Variants in NAALADL2 observed in about 807,000 individuals in gnomAD.
NAALADL2 encodes the protein N-acetylated alpha-linked acidic dipeptidase like 2.
Under a neutral mutation model 87.2 loss-of-function variants are expected in NAALADL2, and 76 were observed. The ratio of observed to expected loss-of-function variants is 0.87; its 90% CI spans 0.72 to 1.05. The LOEUF (loss-of-function observed/expected upper bound fraction) is 1.05, where lower values mean the gene tolerates loss of function less well. Among genes scored for constraint, NAALADL2 ranks in the 50% least tolerant of loss-of-function variants. The probability of loss-of-function intolerance (pLI) is 0.00; values close to 1 mark genes in which losing one functional copy is unlikely to be tolerated. For missense variants in NAALADL2, 1,089 were observed against 945.8 expected, an observed-to-expected ratio of 1.15 and a Z score of -1.99; for synonymous variants, 354 against 331.0, an observed-to-expected ratio of 1.07 and a Z score of -0.75.
chr3:175,529,265 G>C (rs1456460071), intron 9 of NAALADL2, among the ~76,000 whole-genome samples: 2 of 152,158 alleles, frequency 1.3e-5, no homozygotes, highest in African/African-American at 2.4e-5. Flanking sequence ...TGACTTAAAG[G>C]TAAGAGGAGC....
At chr3:175,407,482 C>A (rs1420847743) in intron 5 of NAALADL2, among the ~76,000 whole-genome samples, 12 of 152,172 alleles carry the variant, frequency 7.9e-5, no homozygotes, top group Admixed American at 6.5e-4. Flanking sequence ...ACATTACAAA[C>A]CTCAATGTGT....
At chr3:175,644,585 C>G (rs1210750840) in intron 11 of NAALADL2, among the ~76,000 whole-genome samples, 2 of 152,028 alleles carry the variant, frequency 1.3e-5, no homozygotes, top group Non-Finnish European at 2.9e-5. Flanking sequence ...GCTGTTGATC[C>G]TATTCCTCAG....
At chr3:174,449,197 G>A (rs1277985984) in intron 1 of NAALADL2, among the ~76,000 whole-genome samples, 1 of 152,158 alleles carries the variant, frequency 6.6e-6, no homozygotes, top group Non-Finnish European at 1.5e-5. Context: ...ACTAATCTTT[G>A]TGTATGTGCT....
chr3:175,169,124 G>T (rs1734411335), intron 2 of NAALADL2, among the ~76,000 whole-genome samples: 1 of 151,582 alleles, frequency 6.6e-6, no homozygotes, highest in Non-Finnish European at 1.5e-5. Context: ...AGCTACTGAA[G>T]ATTTTTAGAA....
chr3:175,154,821 C>T lies in NAALADL2; in HGVS notation c.545+57530C>T, dbSNP rs373229309. Among the ~76,000 whole-genome samples, 198 of 152,228 alleles carry T rather than the reference C, an allele frequency of 1.3e-3. 6 individuals carry two copies. The South Asian group carries it at 0.04, about 31-fold the overall frequency. On this transcript the variant is annotated intron_variant, in intron 2 of 13. Coordinates refer to ENST00000454872, the MANE Select transcript of NAALADL2 (RefSeq NM_207015.3). ...GCAGAGGGAGCAAAATCTCAAATGT[C>T]TATTTACTTCTGATGAAAGCCACTG...
chr3:175,393,198 C>T lies in NAALADL2; in HGVS notation c.1091-54031C>T, dbSNP rs562837023. ...CTGAGGCAGGAGAATGGCGTGAACCCGGGAAGCGGAGCTTGCAGTGAGCCG... is the reference window on the plus strand; with the variant it reads ...CTGAGGCAGGAGAATGGCGTGAACCTGGGAAGCGGAGCTTGCAGTGAGCCG... On this transcript the variant is annotated intron_variant, in intron 5 of 13. Coordinates refer to ENST00000454872, the MANE Select transcript of NAALADL2 (RefSeq NM_207015.3). 3.8e-3 allele frequency among the ~76,000 whole-genome samples: 523 copies of T among 138,908 alleles called. 2 individuals are homozygous for T. The highest frequency in any genetic ancestry group is 5.8e-3 in the Non-Finnish European group (382 of 65,782). 91.1% of individuals were successfully genotyped at this position (138,908 alleles called of 152,430 possible).
At chr3:175,592,135 A>G (rs1934854352) in intron 10 of NAALADL2, among the ~76,000 whole-genome samples, 1 of 152,062 alleles carries the variant, frequency 6.6e-6, no homozygotes, top group Non-Finnish European at 1.5e-5. Context: ...CATAGAATTC[A>G]TTTATAAAAC....
chr3:175,774,100 G>A (rs958995682), intron 13 of NAALADL2, among the ~76,000 whole-genome samples: 5 of 152,000 alleles, frequency 3.3e-5, no homozygotes, highest in African/African-American at 1.2e-4. Context: ...TACAATTAAA[G>A]CTCTGTCAGT....
At chr3:174,786,889 T>C (rs963119490) in intron 3 of NAALADL2, among the ~76,000 whole-genome samples, 5 of 152,116 alleles carry the variant, frequency 3.3e-5, no homozygotes, top group African/African-American at 4.8e-5. Flanking sequence ...ATGAAATAAA[T>C]ATAGATATTC....
chr3:174,522,147 C>T (rs1315809102), intron 1 of NAALADL2, among the ~76,000 whole-genome samples: 1 of 152,082 alleles, frequency 6.6e-6, no homozygotes, highest in Non-Finnish European at 1.5e-5. Flanking sequence ...TAATACACGT[C>T]TCATAGAGTA....
intron 9 of NAALADL2, 95 bp from the exon 10 acceptor site, chr3:175,575,946 T>A: frequency 1.0e-6 from 1 of 999,796 alleles, no homozygotes; most frequent in East Asian, 2.7e-5. Context: ...GAGACATTGA[T>A]GCTGCTGATC....
intron 9 of NAALADL2, among the ~76,000 whole-genome samples, chr3:175,574,134 CTTA>C (rs1407184453): frequency 1.3e-5 from 2 of 152,118 alleles, no homozygotes; most frequent in Non-Finnish European, 2.9e-5. Context: ...GTTGGAATAA[CTTA>C]TTTTCTTAAT....
At chr3:175,503,852 G>A (rs568571681) in intron 9 of NAALADL2, among the ~76,000 whole-genome samples, 1 of 152,236 alleles carries the variant, frequency 6.6e-6, no homozygotes, top group Admixed American at 6.5e-5. Flanking sequence ...TGCATAGTTT[G>A]CAAATATTTT....
chr3:175,139,011 G>C (rs578218999), intron 2 of NAALADL2, among the ~76,000 whole-genome samples: 1 of 147,966 alleles, frequency 6.8e-6, no homozygotes, highest in South Asian at 2.1e-4. Flanking sequence ...TTTTAAATGT[G>C]TTTTTTTGAA....
At chr3:175,595,295 T>C (rs113669997) in intron 10 of NAALADL2, among the ~76,000 whole-genome samples, 1 of 152,010 alleles carries the variant, frequency 6.6e-6, no homozygotes, top group African/African-American at 2.4e-5. Context: ...TTGTCAAAGA[T>C]TAGATGGTTG....
chr3:175,168,506 A>G (rs1734311207), intron 2 of NAALADL2, among the ~76,000 whole-genome samples: 1 of 151,846 alleles, frequency 6.6e-6, no homozygotes, highest in Non-Finnish European at 1.5e-5. Flanking sequence ...TTTAAAATGG[A>G]AATACTTTAA....
intron 1 of NAALADL2, among the ~76,000 whole-genome samples, chr3:174,476,369 G>A: frequency 6.6e-6 from 1 of 151,568 alleles, no homozygotes. Flanking sequence ...ATATGTTCCT[G>A]TGTTGTGCTG....
At chr3:174,974,657 A>G (rs901132250) in intron 1 of NAALADL2, among the ~76,000 whole-genome samples, 9 of 152,176 alleles carry the variant, frequency 5.9e-5, no homozygotes, top group African/African-American at 2.2e-4. Flanking sequence ...ATAGTAACAG[A>G]AAAGTTGGAA....
intron 2 of NAALADL2, chr3:174,631,941 T>A (rs545805917): frequency 1.3e-5 from 2 of 152,344 alleles, no homozygotes; most frequent in South Asian, 4.1e-4. Flanking sequence ...CTTCCAGACT[T>A]ACATGCTCAT....
Sources: allele counts gnomAD v4.1 joint callset (sites outside exome capture counted in the v4.1 genomes callset), GRCh38; gene constraint gnomAD v4.1.1; transcripts MANE v1.5; gene names NCBI Gene and HGNC (gene_info 2026-07-23, HGNC 2026-07-21).